The following USP35 variants were observed in gnomAD, a reference collection of about 807,000 sequenced individuals.
USP35 encodes ubiquitin specific peptidase 35, also known as ubiquitin carboxyl-terminal hydrolase 35.
USP35 carries 69 observed loss-of-function variants against 83.8 expected under a neutral mutation model. That is an observed-to-expected ratio of 0.82 (90% CI 0.68 to 1.01). The LOEUF is 1.01. Ranked by LOEUF, USP35 falls within the 50% of genes least tolerant of loss-of-function variation. USP35 has a pLI of 0.00. For missense variants in USP35, 1,503 were observed against 1,362.5 expected (o/e 1.10, Z -1.62); for synonymous variants, 714 against 589.5 (o/e 1.21, Z -3.06).
the USP35 span, among the ~76,000 whole-genome samples, chr11:78,232,612 T>G: frequency 1.3e-5 from 2 of 152,252 alleles, no homozygotes; most frequent in Non-Finnish European, 2.9e-5. Flanking sequence ...TTAGCAAGAA[T>G]ACATATTATC....
downstream of USP35, chr11:78,219,014 CCTAA>C (rs1394049037): frequency 1.8e-5 from 8 of 456,624 alleles, no homozygotes; most frequent in Non-Finnish European, 3.1e-5. Flanking sequence ...GGAAGTAGCT[CCTAA>C]CTAAGGTGGG....
At chr11:78,197,849 G>A (rs181654290) in intron 2 of USP35, 87 bp from the exon 3 acceptor site, 35 of 1,512,612 alleles carry the variant, frequency 2.3e-5, no homozygotes, top group East Asian at 4.7e-5. Flanking sequence ...GGCCCAGCCC[G>A]GTTCGTTGGC....
rs200212651 is a variant in USP35, at chr11:78,209,832, C to G, written c.1977C>G (p.Ile659Met). 14 of 1,613,208 alleles carry G rather than the reference C, an allele frequency of 8.7e-6. No individual in the cohort carries two copies. Among genetic ancestry groups the G allele is most frequent in the Non-Finnish European group, 1.1e-5 (13 of 1,179,728 alleles). Residue 659 changes from isoleucine (I) to methionine (M), a missense_variant, in exon 10 of 11, where the codon ATC becomes ATG. Coordinates refer to ENST00000529308, the MANE Select transcript of USP35 (RefSeq NM_020798.4). ...ACACCCCCCCCACCAGCCTGTACATCGAAGGCCTGGACTCCAAGGAAGCTG... is the reference window on the plus strand; with the variant it reads ...ACACCCCCCCCACCAGCCTGTACATGGAAGGCCTGGACTCCAAGGAAGCTG... Reference protein sequence around the residue: ...TEDTPPTSLYIEGLDSKEAGG... With the variant: ...TEDTPPTSLYMEGLDSKEAGG...
Position 78,209,983 on chromosome 11 carries a change from G to A in USP35, c.2128G>A (p.Glu710Lys). 1 of 1,613,246 alleles carries A rather than the reference G, an allele frequency of 6.2e-7. No individual in the cohort carries two copies. The highest frequency in any genetic ancestry group is 8.5e-7 in the Non-Finnish European group (1 of 1,179,630). ...TRGEGEREKE[E>K]EVEEEEEKVE... ...AGGGGAAGGAGAGAGGGAGAAAGAG[G>A]AGGAGGTGGAAGAGGAAGAAGAGAA... The change falls in exon 10 of 11, where the codon GAG becomes AAG. Residue 710 changes from glutamate (E) to lysine (K), a missense_variant. Coordinates refer to ENST00000529308, the MANE Select transcript of USP35 (RefSeq NM_020798.4).
the USP35 span, among the ~76,000 whole-genome samples, chr11:78,230,230 C>T: frequency 6.6e-6 from 1 of 152,240 alleles, no homozygotes; most frequent in Non-Finnish European, 1.5e-5. Context: ...AGATCAAAGC[C>T]CTTCCTCTGT....
intron 10 of USP35, among the ~76,000 whole-genome samples, chr11:78,212,890 A>AG (rs1863846096): frequency 6.7e-6 from 1 of 149,676 alleles, no homozygotes; most frequent in South Asian, 2.2e-4. Flanking sequence ...GTTGAGTCTG[A>AG]GGGGGAGGAG....
chr11:78,231,372 G>A, the USP35 span, among the ~76,000 whole-genome samples: 18 of 84,578 alleles, frequency 2.1e-4, no homozygotes, highest in African/African-American at 6.5e-4. Context: ...TGTGTGTGTC[G>A]GAGTCTCATT....
chr11:78,223,525 T>A, the USP35 span: 2 of 1,613,162 alleles, frequency 1.2e-6, no homozygotes, highest in Admixed American at 1.7e-5. Context: ...TGAGTCAAAG[T>A]GATGGGCCCC....
At chr11:78,208,797 A>C in intron 8 of USP35, 60 bp from the exon 9 acceptor site, 16 of 1,579,940 alleles carry the variant, frequency 1.0e-5, no homozygotes, top group Non-Finnish European at 1.3e-5. Flanking sequence ...TAACCTGTGC[A>C]GAGCTGGCTG....
At position 78,213,873 on chromosome 11, in the gene USP35, G is replaced by C; in HGVS notation, c.*60G>C. The C allele has an allele frequency of 6.6e-7, 1 of 1,517,760 alleles. No homozygotes were observed. Among genetic ancestry groups the C allele is most frequent in the Non-Finnish European group, 8.7e-7 (1 of 1,144,210 alleles). The allele number at this position is 1,517,760 out of a possible 1,614,324, so 94.0% of individuals were successfully genotyped here. On this transcript the variant is annotated 3_prime_UTR_variant, in exon 11 of 11. Transcript: ENST00000529308. Reference sequence around the variant, plus strand: ...AGGAGCCAGGTAGGGCCTGAGGGAAGCTGTGGAGGCAGGCCCTACCAAGAG... The same window carrying C: ...AGGAGCCAGGTAGGGCCTGAGGGAACCTGTGGAGGCAGGCCCTACCAAGAG...
downstream of USP35, chr11:78,219,281 G>A (rs138587090): frequency 2.2e-3 from 3,576 of 1,613,262 alleles, 6 homozygotes; most frequent in Non-Finnish European, 2.6e-3. Context: ...ATCACAGCTT[G>A]GCACCCTTGG....
Position 78,215,179 on chromosome 11 carries a change from C to T in USP35, c.*1366C>T, listed in dbSNP as rs1452561621. ...GAGGTAGAGAGCATTTGTTCTTATT[C>T]ACAGCCAAGAAAAATACCCAATTAT... On this transcript the variant is annotated 3_prime_UTR_variant, in exon 11 of 11. Coordinates refer to ENST00000529308, the MANE Select transcript of USP35 (RefSeq NM_020798.4). The T allele has an allele frequency of 6.6e-6, 1 of 152,508 alleles. No homozygotes were observed. The highest frequency in any genetic ancestry group is 1.5e-5 in the Non-Finnish European group (1 of 68,038). 9.4% of individuals were successfully genotyped at this position (152,508 alleles called of 1,614,324 possible). A position where few individuals can be genotyped will look rare whatever the true frequency, so the allele number is the denominator to read the frequency against.
At chr11:78,222,530 T>A in the USP35 span, among the ~76,000 whole-genome samples, 12 of 148,178 alleles carry the variant, frequency 8.1e-5, no homozygotes, top group Non-Finnish European at 1.5e-4. Context: ...AAAATATATT[T>A]ATATATTAAT....
intron 6 of USP35, among the ~76,000 whole-genome samples, chr11:78,201,428 C>G (rs1022780554): frequency 2.0e-5 from 3 of 152,206 alleles, no homozygotes; most frequent in African/African-American, 7.2e-5. Context: ...TTGAGAGGAT[C>G]GCAGCCTGGT....
chr11:78,200,947 C>T (rs1863336754), intron 6 of USP35, 139 bp downstream of exon 6: 1 of 1,256,992 alleles, frequency 8.0e-7, no homozygotes, highest in Non-Finnish European at 1.1e-6. Context: ...TCCCCAGGTC[C>T]ATCATGTGCC....
chr11:78,231,945 T>G, the USP35 span: 1 of 152,244 alleles, frequency 6.6e-6, no homozygotes, highest in Non-Finnish European at 1.5e-5. Context: ...CTCTTGCATT[T>G]GACCCATTCC....
Position 78,196,836 on chromosome 11 carries a change from G to C in USP35, c.591G>C (p.Gly197=). 6.5e-7 allele frequency: 1 copy of C among 1,529,222 alleles called. No individual in the cohort carries two copies. Among genetic ancestry groups the C allele is most frequent in the African/African-American group, 1.4e-5 (1 of 72,648 alleles). 94.7% of individuals were successfully genotyped at this position (1,529,222 alleles called of 1,614,324 possible). A position where few individuals can be genotyped will look rare whatever the true frequency, so the allele number is the denominator to read the frequency against. Residue 197 remains glycine (G), a synonymous_variant, in exon 2 of 11, where the codon GGG becomes GGC. Coordinates refer to ENST00000529308, the MANE Select transcript of USP35 (RefSeq NM_020798.4). The surrounding 1 kb of genome is among the most constrained non-coding windows in gnomAD (Gnocchi z 4.8). ...TAGAGCAGGCCCAGCAGGTGAGCGG[G>C]CTCCTGGCGCAGCTGTGGCGCGCAC... ...EFLEQAQQVS[G]LLAQLWRAQP... is the part of the protein sequence containing the mutation.
chr11:78,222,087 C>T, the USP35 span: 63 of 1,546,922 alleles, frequency 4.1e-5, no homozygotes, highest in African/African-American at 7.6e-4. Context: ...GCTCCCACCC[C>T]CACACATACG....
the USP35 span, among the ~76,000 whole-genome samples, chr11:78,234,388 G>A: frequency 6.6e-6 from 1 of 152,046 alleles, no homozygotes; most frequent in Non-Finnish European, 1.5e-5. Context: ...CAGCCTAGAA[G>A]TTTCGTAGTA....
Sources: gnomAD v4.1 joint callset for allele counts (sites outside exome capture counted in the v4.1 genomes callset) on GRCh38, gnomAD v4.1.1 for gene constraint, Gnocchi (gnomAD v3.1) non-coding constraint, MANE v1.5 for transcripts, NCBI Gene and HGNC (gene_info 2026-07-23, HGNC 2026-07-21) for gene names.